The following OCIAD1 variants were observed in gnomAD, a reference collection of about 807,000 sequenced individuals.
OCIAD1 encodes OCIA domain-containing protein 1.
A neutral mutation model predicts 38.9 loss-of-function variants in OCIAD1; 29 were observed. The observed-to-expected ratio is 0.74, with a 90% CI of 0.55 to 1.02. OCIAD1 has a LOEUF of 1.02. Among genes scored for constraint, OCIAD1 ranks in the 50% least tolerant of loss-of-function variants. OCIAD1 has a pLI of 0.00. For synonymous variants in OCIAD1, 110 were observed against 92.0 expected (o/e 1.20, Z -1.12); for missense variants, 288 against 289.6 (o/e 0.99, Z 0.04).
intron 7 of OCIAD1, among the ~76,000 whole-genome samples, chr4:48,854,010 G>A (rs374484289): frequency 1.6e-4 from 24 of 152,148 alleles, no homozygotes; most frequent in African/African-American, 5.3e-4. Flanking sequence ...GGAAGGAAGG[G>A]AATGGGCAGA....
At chr4:48,808,411 A>G (rs970070842) in intron 1 of OCIAD1, among the ~76,000 whole-genome samples, 10 of 152,162 alleles carry the variant, frequency 6.6e-5, no homozygotes, top group African/African-American at 2.2e-4. Context: ...CTGAGGCTAC[A>G]GTGAATGGTG....
At chr4:48,855,792 G>T (rs1779979365) in intron 7 of OCIAD1, among the ~76,000 whole-genome samples, 1 of 151,110 alleles carries the variant, frequency 6.6e-6, no homozygotes, top group South Asian at 2.1e-4. Context: ...CTCCAGCCTG[G>T]GTAACAGAGT....
chr4:48,851,785 C>T, intron 6 of OCIAD1, 21 bp from the exon 7 acceptor site: 1 of 1,406,932 alleles, frequency 7.1e-7, no homozygotes, highest in Non-Finnish European at 1.0e-6. Flanking sequence ...TTTCTTACTA[C>T]AATATGATTT....
At position 48,857,310 on chromosome 4, in the gene OCIAD1, A is replaced by G. The variant is rs778358075; in HGVS notation, c.645A>G (p.Thr215=). The change falls in exon 8 of 9, where the codon ACA becomes ACG. Residue 215 remains threonine (T), a synonymous_variant. Coordinates refer to ENST00000264312, the MANE Select transcript of OCIAD1 (RefSeq NM_017830.4). Reference sequence around the variant, plus strand: ...GAGAGTCATATGAAGTATCTTTAACACAAAAGACTGACCCCTCAGTCAGGC... The same window carrying G: ...GAGAGTCATATGAAGTATCTTTAACGCAAAAGACTGACCCCTCAGTCAGGC... ...KNRESYEVSL[T]QKTDPSVRPM... is the part of the protein sequence containing the mutation. 1 of 1,600,278 alleles carries G rather than the reference A, an allele frequency of 6.2e-7. No homozygotes were observed. The highest frequency in any genetic ancestry group is 2.3e-5 in the East Asian group (1 of 44,272).
At chr4:48,850,903 C>T (rs1251967840) in intron 6 of OCIAD1, among the ~76,000 whole-genome samples, 1 of 152,104 alleles carries the variant, frequency 6.6e-6, no homozygotes, top group Non-Finnish European at 1.5e-5. Flanking sequence ...GAGTTGTGTC[C>T]TATTGGGAGT....
intron 8 of OCIAD1, 26 bp from the exon 9 acceptor site, chr4:48,860,699 A>T (rs1780528907): frequency 2.0e-6 from 3 of 1,519,446 alleles, no homozygotes; most frequent in Non-Finnish European, 2.7e-6. Flanking sequence ...GCTTGGAATC[A>T]TCAATTATTT....
chr4:48,855,041 T>C (rs186720452), intron 7 of OCIAD1, among the ~76,000 whole-genome samples: 1 of 152,368 alleles, frequency 6.6e-6, no homozygotes, highest in East Asian at 1.9e-4. Context: ...CTCCCCAGTC[T>C]TCTTCTGTCT....
intron 5 of OCIAD1, 23 bp downstream of exon 5, chr4:48,848,469 T>C (rs754385633): frequency 3.4e-6 from 4 of 1,170,966 alleles, no homozygotes; most frequent in East Asian, 2.5e-5. Context: ...AACATTGTAG[T>C]TTTCATAGCT....
chr4:48,847,166 T>C (rs1779047550), intron 4 of OCIAD1, among the ~76,000 whole-genome samples: 1 of 152,230 alleles, frequency 6.6e-6, no homozygotes, highest in East Asian at 1.9e-4. Flanking sequence ...GATTGCATTG[T>C]GGCTTGAATT....
In OCIAD1 at chr4:48,854,631, G is replaced by C. The variant is rs540632373; in HGVS notation, c.548-2582G>C. ...ATCTACCCACAGACTACTTAGCAAGGCCATGTCTTAATATTATTTTATGCC... is the reference window on the plus strand; with the variant it reads ...ATCTACCCACAGACTACTTAGCAAGCCCATGTCTTAATATTATTTTATGCC... On this transcript the variant is annotated intron_variant, in intron 7 of 8. Coordinates refer to ENST00000264312, the MANE Select transcript of OCIAD1 (RefSeq NM_017830.4). 3.9e-5 allele frequency among the ~76,000 whole-genome samples: 6 copies of C among 152,244 alleles called. No homozygotes were observed. The East Asian group carries it at 5.8e-4, about 15-fold the overall frequency.
At chr4:48,843,189 G>C (rs1002593309) in intron 4 of OCIAD1, among the ~76,000 whole-genome samples, 1 of 152,050 alleles carries the variant, frequency 6.6e-6, no homozygotes, top group Non-Finnish European at 1.5e-5. Flanking sequence ...TATTTTTAAC[G>C]AGCCACCGAG....
At chr4:48,838,367 C>T (rs1209230641) in intron 3 of OCIAD1, among the ~76,000 whole-genome samples, 1 of 151,058 alleles carries the variant, frequency 6.6e-6, no homozygotes, top group African/African-American at 2.4e-5. Context: ...GGCTGAAAGA[C>T]AGCTTGTTAA....
At chr4:48,840,231 C>A (rs1778396973) in intron 3 of OCIAD1, among the ~76,000 whole-genome samples, 2 of 152,210 alleles carry the variant, frequency 1.3e-5, no homozygotes, top group South Asian at 4.1e-4. Context: ...AAAGCATTAT[C>A]CATTGTAGAA....
In OCIAD1 at chr4:48,861,507, C is replaced by G. The variant is rs1355804527; in HGVS notation, c.*745C>G. The G allele has an allele frequency of 6.6e-6, 1 of 151,852 alleles. No homozygotes were observed. The highest frequency in any genetic ancestry group is 2.4e-5 in the African/African-American group (1 of 41,314). The allele number at this position is 151,852 out of a possible 1,614,324, so 9.4% of individuals were successfully genotyped here. On this transcript the variant is annotated 3_prime_UTR_variant, in exon 9 of 9. Transcript: ENST00000264312. ...TTTGAGACCAGCCTGGGCAACAAAG[C>G]GAGACCCTGTCTTTACAAAAAAATA...
intron 5 of OCIAD1, 38 bp downstream of exon 5, chr4:48,848,484 A>G (rs752984691): frequency 6.9e-6 from 7 of 1,017,994 alleles, no homozygotes; most frequent in South Asian, 4.7e-5. Flanking sequence ...ATAGCTTTTT[A>G]AAACTTAAAT....
chr4:48,821,078 C>T (rs548812074), intron 1 of OCIAD1, among the ~76,000 whole-genome samples: 1 of 152,310 alleles, frequency 6.6e-6, no homozygotes, highest in African/African-American at 2.4e-5. Flanking sequence ...GATATGAAAA[C>T]CTGGCAGAGA....
At chr4:48,817,830 A>C (rs1415519424) in intron 1 of OCIAD1, among the ~76,000 whole-genome samples, 3 of 152,136 alleles carry the variant, frequency 2.0e-5, no homozygotes, top group African/African-American at 7.2e-5. Flanking sequence ...TGGGTGTGGC[A>C]AAGCAGCTGT....
At chr4:48,817,713 A>C (rs776209232) in intron 1 of OCIAD1, among the ~76,000 whole-genome samples, 1 of 152,212 alleles carries the variant, frequency 6.6e-6, no homozygotes, top group African/African-American at 2.4e-5. Flanking sequence ...CAGTCTGAAG[A>C]CAACTTGGAA....
At chr4:48,816,066 T>A (rs1248831135) in intron 1 of OCIAD1, among the ~76,000 whole-genome samples, 1 of 152,226 alleles carries the variant, frequency 6.6e-6, no homozygotes, top group Non-Finnish European at 1.5e-5. Flanking sequence ...CTGTCACAAA[T>A]GTATAAAGTG....
Sources: gnomAD v4.1 joint callset for allele counts (sites outside exome capture counted in the v4.1 genomes callset) on GRCh38, gnomAD v4.1.1 for gene constraint, MANE v1.5 for transcripts, NCBI Gene and HGNC (gene_info 2026-07-23, HGNC 2026-07-21) for gene names.